Variants in MFHAS1 observed in about 807,000 individuals in gnomAD.
The protein encoded by MFHAS1 is multifunctional ROCO family signaling regulator 1.
A neutral mutation model predicts 70.4 loss-of-function variants in MFHAS1; 50 were observed. The ratio of observed to expected loss-of-function variants is 0.71; its 90% CI spans 0.57 to 0.90. The LOEUF is 0.90. Ranked by LOEUF, MFHAS1 falls within the 40% of genes least tolerant of loss-of-function variation. MFHAS1 has a pLI of 0.00. For missense variants in MFHAS1, 1,795 were observed against 1,347.6 expected (o/e 1.33, Z -5.20); for synonymous variants, 952 against 620.0 (o/e 1.54, Z -7.96).
intron 2 of MFHAS1, among the ~76,000 whole-genome samples, chr8:8,788,027 T>A (rs1418995838): frequency 6.6e-6 from 1 of 152,240 alleles, no homozygotes; most frequent in Admixed American, 6.5e-5. Context: ...CCATCTCAAG[T>A]ACGACTTCCT....
intron 1 of MFHAS1, among the ~76,000 whole-genome samples, chr8:8,850,309 C>T (rs1808194399): frequency 6.6e-6 from 1 of 152,198 alleles, no homozygotes; most frequent in African/African-American, 2.4e-5. Context: ...TGACAATACA[C>T]ACTAATAATT....
At chr8:8,825,694 T>C (rs368626081) in intron 1 of MFHAS1, among the ~76,000 whole-genome samples, 28 of 152,308 alleles carry the variant, frequency 1.8e-4, no homozygotes, top group African/African-American at 6.5e-4. Context: ...AATGACCTCA[T>C]TGAACCATAA....
chr8:8,811,369 G>A (rs1043326087), intron 1 of MFHAS1, among the ~76,000 whole-genome samples: 6 of 151,824 alleles, frequency 4.0e-5, no homozygotes, highest in African/African-American at 9.7e-5. Flanking sequence ...GTACAGTGGC[G>A]CAATCATAGC....
chr8:8,862,892 T>C (rs1037598678), intron 1 of MFHAS1, among the ~76,000 whole-genome samples: 1 of 152,194 alleles, frequency 6.6e-6, no homozygotes. Context: ...CTCTAAAACA[T>C]AGTCTATTTA....
chr8:8,786,172 C>G, intron 2 of MFHAS1, 117 bp from the exon 3 acceptor site: 1 of 981,370 alleles, frequency 1.0e-6, no homozygotes, highest in Non-Finnish European at 1.6e-6. Context: ...ATTTTCATTT[C>G]TACTTCCAGG....
At position 8,892,164 on chromosome 8, in the gene MFHAS1, C is replaced by G; in HGVS notation, c.895G>C (p.Glu299Gln). Residue 299 changes from glutamate (E) to glutamine (Q), a missense_variant, in exon 1 of 3, where the codon GAG (glutamate) becomes CAG (glutamine). Glu to Gln is a conservative substitution (Grantham distance 29). Transcript: ENST00000276282. This position sits in a 1 kb window ranked among gnomAD's most constrained non-coding sequence, Gnocchi z 4.7. ...TGGTTGCGACTAAGGTAGAGCTCCT[C>G]CAGACCAGCCAGGGGCAGCAGCGCG... Reference protein sequence around the residue: ...PAALLPLAGLEELYLSRNQLT... With the variant: ...PAALLPLAGLQELYLSRNQLT... 2 of 1,610,776 alleles carry G rather than the reference C, an allele frequency of 1.2e-6. No individual in the cohort carries two copies. Among genetic ancestry groups the G allele is most frequent in the Non-Finnish European group, 1.7e-6 (2 of 1,179,976 alleles).
intron 2 of MFHAS1, among the ~76,000 whole-genome samples, chr8:8,787,243 G>A (rs893805926): frequency 1.3e-5 from 2 of 152,006 alleles, no homozygotes; most frequent in South Asian, 2.1e-4. Context: ...ACCACACGCG[G>A]CTAATTTTTT....
chr8:8,889,503 T>A (rs1809903269), intron 1 of MFHAS1, among the ~76,000 whole-genome samples: 1 of 152,242 alleles, frequency 6.6e-6, no homozygotes, highest in South Asian at 2.1e-4. Flanking sequence ...CTTAAATGCT[T>A]GAGGGGATGG....
chr8:8,845,284 T>G (rs1014533254), intron 1 of MFHAS1, among the ~76,000 whole-genome samples: 1 of 152,224 alleles, frequency 6.6e-6, no homozygotes, highest in Non-Finnish European at 1.5e-5. Context: ...ACTTAAAAAC[T>G]TTTTTAAAAA....
chr8:8,805,916 T>C (rs1348675777), intron 1 of MFHAS1, among the ~76,000 whole-genome samples: 2 of 152,140 alleles, frequency 1.3e-5, no homozygotes, highest in Non-Finnish European at 2.9e-5. Flanking sequence ...CAGACTGGTC[T>C]CTAACTCCTG....
At chr8:8,873,996 C>T (rs1190984292) in intron 1 of MFHAS1, among the ~76,000 whole-genome samples, 3 of 152,090 alleles carry the variant, frequency 2.0e-5, no homozygotes, top group Admixed American at 2.0e-4. Flanking sequence ...CAATGGTGTT[C>T]CAATACACAT....
intron 1 of MFHAS1, among the ~76,000 whole-genome samples, chr8:8,843,871 T>G (rs1440467396): frequency 1.3e-5 from 2 of 152,190 alleles, no homozygotes; most frequent in Non-Finnish European, 2.9e-5. Flanking sequence ...AAGAATTAAT[T>G]ACCTCTGTTT....
chr8:8,854,040 T>G, intron 1 of MFHAS1, among the ~76,000 whole-genome samples: 1 of 152,216 alleles, frequency 6.6e-6, no homozygotes, highest in East Asian at 1.9e-4. Context: ...TAAATTACAC[T>G]GATTTAGGAG....
At chr8:8,868,137 G>C (rs558303257) in intron 1 of MFHAS1, among the ~76,000 whole-genome samples, 3 of 151,926 alleles carry the variant, frequency 2.0e-5, no homozygotes, top group Non-Finnish European at 2.9e-5. Context: ...CAGGCTCTGA[G>C]GGGGATTCAG....
chr8:8,851,760 G>A (rs1808255869), intron 1 of MFHAS1, among the ~76,000 whole-genome samples: 1 of 152,110 alleles, frequency 6.6e-6, no homozygotes, highest in South Asian at 2.1e-4. Context: ...AATACAGGAA[G>A]TTAATCCAAC....
At chr8:8,796,005 G>T (rs1468996331) in intron 2 of MFHAS1, among the ~76,000 whole-genome samples, 2 of 152,174 alleles carry the variant, frequency 1.3e-5, no homozygotes, top group East Asian at 1.9e-4. Flanking sequence ...GACCCAAGAA[G>T]ATCTGTGGCT....
chr8:8,874,044 T>C (rs1809192439), intron 1 of MFHAS1, among the ~76,000 whole-genome samples: 1 of 152,184 alleles, frequency 6.6e-6, no homozygotes, highest in Non-Finnish European at 1.5e-5. Context: ...TTGTTTCAAA[T>C]CACAAAGCGA....
In MFHAS1 at chr8:8,863,979, G is replaced by C. The variant is rs118074780; in HGVS notation, c.2998+26082C>G. 2.2e-3 allele frequency among the ~76,000 whole-genome samples: 335 copies of C among 152,286 alleles called. 14 individuals carry two copies. The East Asian group carries it at 0.056, about 26-fold the overall frequency. Reference sequence around the variant, plus strand: ...ATTATGGCTGCCTCAGTGACCACCAGCTTCCTGTTGACCAACTCCTCTTCC... The same window carrying C: ...ATTATGGCTGCCTCAGTGACCACCACCTTCCTGTTGACCAACTCCTCTTCC... On this transcript the variant is annotated intron_variant, in intron 1 of 2. Coordinates refer to ENST00000276282, the MANE Select transcript of MFHAS1 (RefSeq NM_004225.3).
At chr8:8,830,463 T>C (rs141719933) in intron 1 of MFHAS1, among the ~76,000 whole-genome samples, 222 of 152,276 alleles carry the variant, frequency 1.5e-3, no homozygotes, top group Non-Finnish European at 2.0e-3. Flanking sequence ...TCATAATCCA[T>C]CTAAAATTAC....
Sources: allele counts gnomAD v4.1 joint callset (sites outside exome capture counted in the v4.1 genomes callset), GRCh38; gene constraint gnomAD v4.1.1; non-coding constraint Gnocchi (gnomAD v3.1); transcripts MANE v1.5; gene names NCBI Gene and HGNC (gene_info 2026-07-23, HGNC 2026-07-21).